SGMS2: variants seen among roughly 807,000 people sequenced by gnomAD.
The protein encoded by SGMS2 is phosphatidylcholine:ceramide cholinephosphotransferase 2.
In SGMS2, 21 loss-of-function variants were observed where a neutral mutation model predicts 43.8. The ratio of observed to expected loss-of-function variants is 0.48; its 90% confidence interval spans 0.34 to 0.69. The LOEUF is 0.69. Ranked by LOEUF, SGMS2 falls within the 30% of genes least tolerant of loss-of-function variation. SGMS2 has a pLI of 0.01. For missense variants in SGMS2, 384 were observed against 443.2 expected, an observed-to-expected ratio of 0.87 and a Z score of 1.20; for synonymous variants, 167 against 160.6, an observed-to-expected ratio of 1.04 and a Z score of -0.30.
At chr4:107,880,926 T>G (rs1729289668) in intron 2 of SGMS2, among the ~76,000 whole-genome samples, 1 of 151,738 alleles carries the variant, frequency 6.6e-6, no homozygotes. Flanking sequence ...AGGAAAAACT[T>G]TATGGGCATG....
At chr4:107,837,570 A>G (rs1309420594) in intron 1 of SGMS2, among the ~76,000 whole-genome samples, 2 of 152,146 alleles carry the variant, frequency 1.3e-5, no homozygotes, top group Admixed American at 1.3e-4. Flanking sequence ...CATGCTTTGT[A>G]AGGAGTATTA....
chr4:107,841,170 G>A (rs1726474744), intron 1 of SGMS2, among the ~76,000 whole-genome samples: 2 of 152,178 alleles, frequency 1.3e-5, no homozygotes, highest in Admixed American at 1.3e-4. Flanking sequence ...TTGAGAAGCT[G>A]CTGGCCATGT....
intron 1 of SGMS2, among the ~76,000 whole-genome samples, chr4:107,833,834 G>C (rs1257031982): frequency 6.6e-6 from 1 of 152,172 alleles, no homozygotes; most frequent in Non-Finnish European, 1.5e-5. Context: ...GAGTGGAAAA[G>C]GGAAGCAGAA....
intron 5 of SGMS2, 73 bp from the exon 6 acceptor site, chr4:107,908,492 C>A: frequency 6.9e-7 from 1 of 1,444,718 alleles, no homozygotes; most frequent in South Asian, 1.3e-5. Context: ...TACTTAAGGT[C>A]GTTAGGACAG....
intron 1 of SGMS2, among the ~76,000 whole-genome samples, chr4:107,826,076 A>G (rs143116274): frequency 3.3e-5 from 5 of 152,298 alleles, no homozygotes; most frequent in African/African-American, 7.2e-5. Context: ...GTGGGTGCTC[A>G]GGCACATTAA....
intron 2 of SGMS2, among the ~76,000 whole-genome samples, chr4:107,862,574 C>T (rs1431057134): frequency 1.3e-5 from 2 of 152,028 alleles, no homozygotes; most frequent in East Asian, 3.9e-4. Context: ...AAAATAGTAG[C>T]CTATATTTCA....
chr4:107,824,746 G>A (rs1026538193), upstream of SGMS2: 1 of 152,248 alleles, frequency 6.6e-6, no homozygotes, highest in East Asian at 1.9e-4. Context: ...CTCTGCGCCA[G>A]GAGAGCCACG....
chr4:107,840,506 T>C (rs1002417922), intron 1 of SGMS2, among the ~76,000 whole-genome samples: 1 of 152,188 alleles, frequency 6.6e-6, no homozygotes, highest in Non-Finnish European at 1.5e-5. Flanking sequence ...AGCTCAGTTA[T>C]TGATATACCC....
chr4:107,852,653 C>T (rs1401885940), intron 1 of SGMS2, among the ~76,000 whole-genome samples: 1 of 152,092 alleles, frequency 6.6e-6, no homozygotes, highest in Admixed American at 6.6e-5. Context: ...TTATCATTCC[C>T]CACTAACTGT....
intron 1 of SGMS2, among the ~76,000 whole-genome samples, chr4:107,834,772 C>T (rs1726078991): frequency 6.6e-6 from 1 of 152,214 alleles, no homozygotes; most frequent in African/African-American, 2.4e-5. Flanking sequence ...CCCAGTTGCT[C>T]ATGCCTGTAA....
At chr4:107,858,436 C>A (rs2126027791) in intron 1 of SGMS2, 36 bp from the exon 2 acceptor site, 1 of 152,658 alleles carries the variant, frequency 6.6e-6, no homozygotes, top group South Asian at 2.1e-4. Context: ...AACAAAGCCT[C>A]ATTCTTATTT....
intron 3 of SGMS2, among the ~76,000 whole-genome samples, chr4:107,897,117 A>G (rs1178384578): frequency 1.3e-5 from 2 of 152,212 alleles, no homozygotes; most frequent in Non-Finnish European, 2.9e-5. Context: ...TCAATGTGGT[A>G]TATCCACTCA....
chr4:107,866,735 A>G (rs1176219613), intron 2 of SGMS2, among the ~76,000 whole-genome samples: 1 of 152,150 alleles, frequency 6.6e-6, no homozygotes, highest in Admixed American at 6.6e-5. Context: ...TCTGTGAGAC[A>G]TGGGATTTTT....
chr4:107,896,240 G>A (rs1342388885), intron 3 of SGMS2, among the ~76,000 whole-genome samples: 1 of 152,162 alleles, frequency 6.6e-6, no homozygotes, highest in African/African-American at 2.4e-5. Flanking sequence ...GTACTGTGGT[G>A]GATGACTCAG....
In SGMS2 at chr4:107,911,499, C is replaced by A. The variant is rs1732119135; in HGVS notation, c.*946C>A. On this transcript the variant is annotated 3_prime_UTR_variant, in exon 7 of 7. Coordinates refer to ENST00000690982, the MANE Select transcript of SGMS2 (RefSeq NM_001375905.1). Reference sequence around the variant, plus strand: ...CTGGTGTGAGATCAATTTTAGGGCTCCTAATTGGAGCACAGAAATGTATTT... The same window carrying A: ...CTGGTGTGAGATCAATTTTAGGGCTACTAATTGGAGCACAGAAATGTATTT... 1 of 152,024 alleles carries A rather than the reference C, an allele frequency of 6.6e-6. No homozygotes were observed. Among genetic ancestry groups the A allele is most frequent in the African/African-American group, 2.4e-5 (1 of 41,380 alleles). The allele number at this position is 152,024 out of a possible 1,614,324, so 9.4% of individuals were successfully genotyped here.
chr4:107,868,727 A>G (rs1305033482), intron 2 of SGMS2, among the ~76,000 whole-genome samples: 1 of 152,054 alleles, frequency 6.6e-6, no homozygotes, highest in Non-Finnish European at 1.5e-5. Context: ...CAAAAAAAAA[A>G]AGTTGCTGCC....
chr4:107,850,032 C>T (rs894234799), intron 1 of SGMS2, among the ~76,000 whole-genome samples: 1 of 152,128 alleles, frequency 6.6e-6, no homozygotes, highest in Non-Finnish European at 1.5e-5. Flanking sequence ...GTTGATTTCT[C>T]ATGAATGATT....
chr4:107,832,696 G>T (rs1725957400), intron 1 of SGMS2, among the ~76,000 whole-genome samples: 1 of 152,148 alleles, frequency 6.6e-6, no homozygotes, highest in Admixed American at 6.5e-5. Flanking sequence ...CCATGTGGAG[G>T]ATTACAACTA....
rs978884033 is a variant in SGMS2, at chr4:107,824,958, G to C, written c.-622G>C. 12 of 151,372 alleles carry C rather than the reference G, an allele frequency of 7.9e-5. No homozygotes were observed. Among genetic ancestry groups the C allele is most frequent in the African/African-American group, 2.7e-4 (11 of 41,420 alleles). The allele number at this position is 151,372 out of a possible 1,614,324, so 9.4% of individuals were successfully genotyped here. ...CTGAGCGCCGCGCCGTGGGCCGAGT[G>C]GGGCGGGGAGACCCAGCCCTCGGCG... On this transcript the variant is annotated 5_prime_UTR_variant, in exon 1 of 7. Transcript: ENST00000690982.
Sources: gnomAD v4.1 joint callset for allele counts (sites outside exome capture counted in the v4.1 genomes callset) on GRCh38, gnomAD v4.1.1 for gene constraint, MANE v1.5 for transcripts, NCBI Gene and HGNC (gene_info 2026-07-23, HGNC 2026-07-21) for gene names.